TNR: variants seen among roughly 807,000 people sequenced by gnomAD.
The protein encoded by TNR is tenascin-R.
TNR carries 45 observed loss-of-function variants against 150.4 expected under a neutral mutation model. The ratio of observed to expected loss-of-function variants is 0.30; its 90% confidence interval spans 0.24 to 0.38. TNR has a LOEUF of 0.38. Among genes scored for constraint, TNR ranks in the 10% least tolerant of loss-of-function variants. TNR has a pLI of 1.00. For missense variants in TNR, 1,544 were observed against 1,759.1 expected (o/e 0.88, Z 2.19); for synonymous variants, 687 against 678.4 (o/e 1.01, Z -0.20).
intron 1 of TNR, among the ~76,000 whole-genome samples, chr1:175,566,687 A>G (rs1661657660): frequency 6.6e-6 from 1 of 152,232 alleles, no homozygotes; most frequent in South Asian, 2.1e-4. Context: ...CGAAGTCTCC[A>G]TGTCATGGAT....
chr1:175,370,570 A>G (rs1368183116), intron 9 of TNR, among the ~76,000 whole-genome samples: 1 of 151,966 alleles, frequency 6.6e-6, no homozygotes, highest in African/African-American at 2.4e-5. Flanking sequence ...TGAGTGGGTG[A>G]TTGCAATACC....
At chr1:175,390,928 C>T (rs575197224) in intron 7 of TNR, among the ~76,000 whole-genome samples, 1 of 152,304 alleles carries the variant, frequency 6.6e-6, no homozygotes, top group East Asian at 1.9e-4. Context: ...ATGACTTTCT[C>T]CAAATATCAT....
chr1:175,579,189 C>CTTCCTTCCTTCCTTCCTTCCTTCA (rs1281800926), intron 1 of TNR, among the ~76,000 whole-genome samples: 11 of 151,054 alleles, frequency 7.3e-5, no homozygotes, highest in African/African-American at 2.7e-4. Context: ...TCCTTCCTTC[C>CTTCCTTCCTTCCTTCCTTCCTTCA]TTCCTTCCTT....
At chr1:175,390,433 G>A (rs1195571765) in intron 7 of TNR, among the ~76,000 whole-genome samples, 4 of 152,134 alleles carry the variant, frequency 2.6e-5, no homozygotes, top group Admixed American at 2.0e-4. Flanking sequence ...AATAAAATGA[G>A]AACCAAAACT....
chr1:175,443,118 A>T (rs1046020890), intron 2 of TNR, among the ~76,000 whole-genome samples: 2 of 152,236 alleles, frequency 1.3e-5, no homozygotes, highest in Non-Finnish European at 2.9e-5. Flanking sequence ...TAATTTAGAA[A>T]AAGCCCCATA....
At chr1:175,603,236 C>T (rs182792933) in intron 1 of TNR, among the ~76,000 whole-genome samples, 8 of 152,202 alleles carry the variant, frequency 5.3e-5, no homozygotes, top group African/African-American at 1.7e-4. Flanking sequence ...GTCTTTCCTG[C>T]TTCCCATACA....
intron 21 of TNR, among the ~76,000 whole-genome samples, chr1:175,329,249 G>A (rs1156646348): frequency 6.6e-6 from 1 of 152,174 alleles, no homozygotes; most frequent in African/African-American, 2.4e-5. Flanking sequence ...TAATGAAAGG[G>A]CCAATAATGC....
intron 21 of TNR, among the ~76,000 whole-genome samples, chr1:175,326,769 G>A (rs1649419165): frequency 6.6e-6 from 1 of 152,142 alleles, no homozygotes; most frequent in African/African-American, 2.4e-5. Context: ...CCAGGTTCAA[G>A]CGATTCTCCT....
chr1:175,435,314 G>A (rs1655453024), intron 2 of TNR, among the ~76,000 whole-genome samples: 1 of 152,198 alleles, frequency 6.6e-6, no homozygotes, highest in Non-Finnish European at 1.5e-5. Context: ...TGGGATTCCA[G>A]CCTGATGGAT....
At chr1:175,451,214 TTTA>T (rs200916916) in intron 2 of TNR, among the ~76,000 whole-genome samples, 1,684 of 141,630 alleles carry the variant, frequency 0.012, 32 homozygotes, top group African/African-American at 0.041. Flanking sequence ...GTTTTTTTTT[TTTA>T]ATGTTTTTAT....
intron 1 of TNR, among the ~76,000 whole-genome samples, chr1:175,608,281 CAAG>C (rs1425044612): frequency 1.3e-5 from 2 of 152,116 alleles, no homozygotes; most frequent in South Asian, 2.1e-4. Flanking sequence ...GTTCAGAAAA[CAAG>C]AAGATTTCAC....
intron 20 of TNR, among the ~76,000 whole-genome samples, chr1:175,331,047 T>TTCTTTCTTTCTTTC (rs1649776444): frequency 1.1e-5 from 1 of 91,006 alleles, no homozygotes; most frequent in Non-Finnish European, 2.3e-5. Flanking sequence ...CTTTCTTTCT[T>TTCTTTCTTTCTTTC]TCTTTCTTTC....
intron 2 of TNR, among the ~76,000 whole-genome samples, chr1:175,436,382 T>C (rs1442158443): frequency 6.6e-6 from 1 of 152,236 alleles, no homozygotes; most frequent in East Asian, 1.9e-4. Context: ...CTTCATTTCA[T>C]TCATTTCATC....
chr1:175,530,637 A>G (rs1206205707), intron 1 of TNR, among the ~76,000 whole-genome samples: 1 of 152,184 alleles, frequency 6.6e-6, no homozygotes, highest in Non-Finnish European at 1.5e-5. Context: ...TACAAACATC[A>G]TCATTTTTCC....
At chr1:175,414,981 C>T (rs866488954) in intron 2 of TNR, among the ~76,000 whole-genome samples, 5 of 149,254 alleles carry the variant, frequency 3.3e-5, no homozygotes, top group South Asian at 2.1e-4. Flanking sequence ...ATGAAATGAG[C>T]GTGAAGGTTG....
At chr1:175,479,359 C>T (rs1006327622) in intron 2 of TNR, among the ~76,000 whole-genome samples, 1 of 152,174 alleles carries the variant, frequency 6.6e-6, no homozygotes, top group Non-Finnish European at 1.5e-5. Flanking sequence ...TGACAAGTTT[C>T]CCCCCACCAA....
At chr1:175,540,895 G>A (rs934263314) in intron 1 of TNR, among the ~76,000 whole-genome samples, 7 of 151,940 alleles carry the variant, frequency 4.6e-5, no homozygotes, top group Admixed American at 2.0e-4. Flanking sequence ...ACCTCTCAAG[G>A]TTTAAGGTGT....
At chr1:175,330,008 C>T (rs183585559) in intron 21 of TNR, 66 bp downstream of exon 21, 38 of 1,412,010 alleles carry the variant, frequency 2.7e-5, no homozygotes, top group Non-Finnish European at 3.5e-5. Flanking sequence ...GCAGCTTACG[C>T]CTAGAATCTG....
chr1:175,363,016 A>G (rs1297437787), intron 13 of TNR, among the ~76,000 whole-genome samples: 1 of 152,170 alleles, frequency 6.6e-6, no homozygotes, highest in African/African-American at 2.4e-5. Context: ...GGCTCCTTGG[A>G]GCAAAGAAAA....
Sources: allele counts gnomAD v4.1 joint callset (sites outside exome capture counted in the v4.1 genomes callset), GRCh38; gene constraint gnomAD v4.1.1; transcripts MANE v1.5; gene names NCBI Gene and HGNC (gene_info 2026-07-23, HGNC 2026-07-21).